The following ACOT13 variants were observed in gnomAD, a reference collection of about 807,000 sequenced individuals.
ACOT13 encodes the protein acyl-CoA thioesterase 13, also known as acyl-coenzyme A thioesterase 13.
In ACOT13, 10 loss-of-function variants were observed where a neutral mutation model predicts 11.8. The observed-to-expected ratio is 0.85, with a 90% CI of 0.53 to 1.44. The LOEUF (loss-of-function observed/expected upper bound fraction) is 1.44. Among genes scored for constraint, ACOT13 ranks in the 40% most tolerant of loss-of-function variants. ACOT13 has a pLI of 0.00. For synonymous variants in ACOT13, 53 were observed against 61.0 expected (o/e 0.87, Z 0.61); for missense variants, 172 against 174.1 (o/e 0.99, Z 0.07).
At chr6:24,696,842 C>T (rs544918871) in intron 1 of ACOT13, among the ~76,000 whole-genome samples, 72 of 151,852 alleles carry the variant, frequency 4.7e-4, no homozygotes, top group African/African-American at 1.7e-3. Flanking sequence ...ATGGCATGAT[C>T]TCAGCTCACT....
chr6:24,672,654 AAAC>A (rs1778382864), intron 1 of ACOT13, among the ~76,000 whole-genome samples: 2 of 152,172 alleles, frequency 1.3e-5, no homozygotes, highest in Non-Finnish European at 2.9e-5. Context: ...AAAGAAAAGA[AAAC>A]AAAAGATATA....
chr6:24,670,236 A>C (rs1778337892), intron 1 of ACOT13, among the ~76,000 whole-genome samples: 2 of 152,224 alleles, frequency 1.3e-5, no homozygotes, highest in African/African-American at 4.8e-5. Flanking sequence ...TAGGCTTTTT[A>C]AAATTGGCTT....
intron 2 of ACOT13, among the ~76,000 whole-genome samples, chr6:24,699,365 A>G (rs752439416): frequency 3.3e-5 from 5 of 151,948 alleles, no homozygotes; most frequent in Non-Finnish European, 7.4e-5. Context: ...GCCTGCCACC[A>G]TGCCCGACTA....
At chr6:24,689,034 GT>G (rs1477768606) in intron 1 of ACOT13, among the ~76,000 whole-genome samples, 8 of 152,124 alleles carry the variant, frequency 5.3e-5, no homozygotes, top group Non-Finnish European at 1.0e-4. Context: ...GAGATACTAT[GT>G]TTTGCTTGTC....
intron 1 of ACOT13, chr6:24,687,726 T>TC: frequency 6.7e-7 from 1 of 1,493,424 alleles, no homozygotes; most frequent in Admixed American, 2.4e-5. Context: ...TTTTTTTTTT[T>TC]TTGAGACAGA....
intron 1 of ACOT13, among the ~76,000 whole-genome samples, chr6:24,697,675 CA>C (rs998792240): frequency 1.4e-4 from 22 of 152,230 alleles, no homozygotes; most frequent in African/African-American, 5.1e-4. Flanking sequence ...TGAAGATCAG[CA>C]AAAACTACTA....
chr6:24,692,705 G>T (rs1562161277), intron 1 of ACOT13, among the ~76,000 whole-genome samples: 1 of 152,156 alleles, frequency 6.6e-6, no homozygotes, highest in Non-Finnish European at 1.5e-5. Flanking sequence ...GATCACCTGT[G>T]ATATACCAGG....
Position 24,701,879 on chromosome 6 carries a change from G to A in ACOT13, c.*264G>A, listed in dbSNP as rs1276282292. On this transcript the variant is annotated 3_prime_UTR_variant, in exon 3 of 3. Transcript: ENST00000230048. ...AAAAACAGGTAAAGCAAAGAAACTA[G>A]CAGGACCACTCTCAGTTAAGATTAA... The A allele has an allele frequency of 3.0e-6, 1 of 332,920 alleles. No homozygotes were observed. The highest frequency in any genetic ancestry group is 2.1e-5 in the African/African-American group (1 of 47,182). The allele number at this position is 332,920 out of a possible 1,614,324, so 20.6% of individuals were successfully genotyped here. A position where few individuals can be genotyped will look rare whatever the true frequency, so the allele number is the denominator to read the frequency against.
At chr6:24,672,531 C>T (rs1159108981) in intron 1 of ACOT13, among the ~76,000 whole-genome samples, 2 of 152,006 alleles carry the variant, frequency 1.3e-5, no homozygotes, top group Admixed American at 6.6e-5. Flanking sequence ...CCCAGCTACT[C>T]GGGAGGCTGA....
rs1331365371 is a variant in ACOT13 at position 24,677,247 on chromosome 6, T to C, written c.81+9903T>C. On this transcript the variant is annotated intron_variant, in intron 1 of 2. Coordinates refer to ENST00000230048, the MANE Select transcript of ACOT13 (RefSeq NM_018473.4). ...GCATTTATGTTCTATCTTTTCTTCA[T>C]TGTCTGGAAGAAATGTGGCTGTGTT... 2.0e-5 allele frequency among the ~76,000 whole-genome samples: 3 copies of C among 152,228 alleles called. No individual in the cohort carries two copies. The South Asian group carries it at 6.2e-4, about 31-fold the overall frequency.
Position 24,704,504 on chromosome 6 carries a change from C to T in ACOT13, c.*2889C>T. ...TCTGAGCTTGAGCAAGTTACTTAAC[C>T]TCTGCATCTATTTCCACCAAAGGTT... On this transcript the variant is annotated 3_prime_UTR_variant, in exon 3 of 3. Transcript: ENST00000230048. 1 of 152,212 alleles carries T rather than the reference C, an allele frequency of 6.6e-6. No individual in the cohort carries two copies. Among genetic ancestry groups the T allele is most frequent in the Non-Finnish European group, 1.5e-5 (1 of 68,036 alleles). 9.4% of individuals were successfully genotyped at this position (152,212 alleles called of 1,614,324 possible). A position where few individuals can be genotyped will look rare whatever the true frequency, so the allele number is the denominator to read the frequency against.
At chr6:24,679,853 G>T (rs1035521255) in intron 1 of ACOT13, among the ~76,000 whole-genome samples, 5 of 152,148 alleles carry the variant, frequency 3.3e-5, no homozygotes, top group African/African-American at 1.2e-4. Context: ...AGCCATCAGG[G>T]TTATCTGAGA....
intron 1 of ACOT13, among the ~76,000 whole-genome samples, chr6:24,668,135 C>T (rs796965367): frequency 1.0e-4 from 15 of 149,576 alleles, no homozygotes; most frequent in African/African-American, 3.4e-4. Flanking sequence ...CTCGAACTCC[C>T]GACCTCAGGT....
At chr6:24,680,111 C>T (rs999350743) in intron 1 of ACOT13, among the ~76,000 whole-genome samples, 1 of 152,094 alleles carries the variant, frequency 6.6e-6, no homozygotes, top group Admixed American at 6.5e-5. Context: ...CTGAGGGCTT[C>T]CTGTAGGGCA....
chr6:24,697,862 G>C (rs768118089), intron 1 of ACOT13, 21 bp from the exon 2 acceptor site: 3 of 1,570,422 alleles, frequency 1.9e-6, no homozygotes, highest in Non-Finnish European at 2.6e-6. Flanking sequence ...TAATGTTCAG[G>C]ATTCTTTTTT....
rs758817210 is a variant in ACOT13, at chr6:24,701,450, T to C, written c.267-9T>C. On this transcript the variant is annotated splice_polypyrimidine_tract_variant and intron_variant, in intron 2 of 2. Coordinates refer to ENST00000230048, the MANE Select transcript of ACOT13 (RefSeq NM_018473.4). The stretch of plus-strand genomic sequence containing the variant: ...TATCTGCTGTTAACTATATTCATTT[T>C]CTTTCAAGGTACATGTCACCTGCAA... 7 of 1,598,522 alleles carry C rather than the reference T, an allele frequency of 4.4e-6. No homozygotes were observed. Among genetic ancestry groups the C allele is most frequent in the African/African-American group, 1.3e-5 (1 of 74,276 alleles).
At chr6:24,695,157 A>G (rs1778774300) in intron 1 of ACOT13, among the ~76,000 whole-genome samples, 2 of 152,082 alleles carry the variant, frequency 1.3e-5, no homozygotes, top group Admixed American at 1.3e-4. Context: ...AAAAATACAA[A>G]AATTAGCCAG....
chr6:24,672,813 A>G (rs1330859696), intron 1 of ACOT13, among the ~76,000 whole-genome samples: 1 of 152,118 alleles, frequency 6.6e-6, no homozygotes, highest in Non-Finnish European at 1.5e-5. Context: ...AACTGAACTT[A>G]TTTTATCTTT....
Position 24,702,902 on chromosome 6 carries a change from G to A in ACOT13, c.*1287G>A, listed in dbSNP as rs1778916877. 6.6e-6 allele frequency: 1 copy of A among 152,072 alleles called. No individual in the cohort carries two copies. 9.4% of individuals were successfully genotyped at this position (152,072 alleles called of 1,614,324 possible). A position where few individuals can be genotyped will look rare whatever the true frequency, so the allele number is the denominator to read the frequency against. ...TTCTCAGAAGTCTCCAAGTTCAGTT[G>A]ACTGTGGCACTCTGAGACAGCTTCT... On this transcript the variant is annotated 3_prime_UTR_variant, in exon 3 of 3. Coordinates refer to ENST00000230048, the MANE Select transcript of ACOT13 (RefSeq NM_018473.4).
Sources: allele counts gnomAD v4.1 joint callset (sites outside exome capture counted in the v4.1 genomes callset), GRCh38; gene constraint gnomAD v4.1.1; transcripts MANE v1.5; gene names NCBI Gene and HGNC (gene_info 2026-07-23, HGNC 2026-07-21).